The following CACNA2D1 variants were observed in gnomAD, a reference collection of about 807,000 sequenced individuals.
The protein encoded by CACNA2D1 is calcium voltage-gated channel auxiliary subunit alpha2delta 1.
In CACNA2D1, 53 loss-of-function variants were observed where a neutral mutation model predicts 171.5. That is an observed-to-expected ratio of 0.31 (90% confidence interval 0.25 to 0.39). The LOEUF (loss-of-function observed/expected upper bound fraction) is 0.39, where lower values mean the gene tolerates loss of function less well. CACNA2D1 is among the 10% of genes least tolerant of loss of function. The pLI is 1.00. For synonymous variants in CACNA2D1, 442 were observed against 443.1 expected, an observed-to-expected ratio of 1.00 and a Z score of 0.03; for missense variants, 903 against 1,299.8, an observed-to-expected ratio of 0.69 and a Z score of 4.69.
In CACNA2D1 at chr7:81,950,090, T is replaced by C. The variant is rs983927463; in HGVS notation, c.*302A>G. ...ATTAACAATTGTATGGGGAACCCTT[T>C]CACATGTAATCACCAACAATGCAAC... On this transcript the variant is annotated 3_prime_UTR_variant, in exon 39 of 39. Transcript: ENST00000356860. The C allele has an allele frequency of 3.8e-5, 14 of 371,362 alleles. No homozygotes were observed. Among genetic ancestry groups the C allele is most frequent in the African/African-American group, 2.5e-4 (12 of 48,696 alleles). The allele number at this position is 371,362 out of a possible 1,614,324, so 23.0% of individuals were successfully genotyped here. A position where few individuals can be genotyped will look rare whatever the true frequency, so the allele number is the denominator to read the frequency against.
chr7:82,288,431 A>G (rs1349599119), intron 3 of CACNA2D1, among the ~76,000 whole-genome samples: 1 of 141,644 alleles, frequency 7.1e-6, no homozygotes, highest in Non-Finnish European at 1.5e-5. Context: ...ATACACACAC[A>G]CACACACACA....
intron 8 of CACNA2D1, among the ~76,000 whole-genome samples, chr7:82,064,715 A>G (rs1807394674): frequency 6.6e-6 from 1 of 152,182 alleles, no homozygotes; most frequent in Non-Finnish European, 1.5e-5. Context: ...AGACTATCAT[A>G]TTTTTAAATG....
chr7:82,298,257 T>C (rs557558432), intron 3 of CACNA2D1, among the ~76,000 whole-genome samples: 1 of 152,252 alleles, frequency 6.6e-6, no homozygotes, highest in Non-Finnish European at 1.5e-5. Context: ...ACCCAGTTCT[T>C]TGATTTCTGA....
chr7:82,393,079 A>C (rs369968846), intron 1 of CACNA2D1, among the ~76,000 whole-genome samples: 6 of 114,152 alleles, frequency 5.3e-5, no homozygotes, highest in South Asian at 2.9e-4. Flanking sequence ...GGAAGGAAGG[A>C]AGGAAGGCAG....
chr7:82,431,122 C>A (rs898299707), intron 1 of CACNA2D1, among the ~76,000 whole-genome samples: 3 of 152,176 alleles, frequency 2.0e-5, no homozygotes, highest in African/African-American at 7.2e-5. Context: ...TTACACTCCA[C>A]CGCATCTCTT....
chr7:81,957,537 C>T (rs1793555516), intron 38 of CACNA2D1, among the ~76,000 whole-genome samples: 1 of 152,014 alleles, frequency 6.6e-6, no homozygotes, highest in Non-Finnish European at 1.5e-5. Flanking sequence ...TCGTTGTGCA[C>T]TTAAGTTGAT....
intron 7 of CACNA2D1, among the ~76,000 whole-genome samples, chr7:82,078,292 T>TA (rs945752562): frequency 4.6e-5 from 7 of 151,828 alleles, no homozygotes; most frequent in South Asian, 2.1e-4. Context: ...ACTAATTGTC[T>TA]AAAAAAAAGA....
At chr7:82,066,357 AGTT>A in intron 8 of CACNA2D1, 95 bp downstream of exon 8, 1 of 1,444,838 alleles carries the variant, frequency 6.9e-7, no homozygotes, top group Non-Finnish European at 9.5e-7. Context: ...TTCAATAAGT[AGTT>A]AATACTCATC....
At chr7:82,303,452 TAA>T (rs573316819) in intron 3 of CACNA2D1, among the ~76,000 whole-genome samples, 4 of 122,380 alleles carry the variant, frequency 3.3e-5, no homozygotes, top group Non-Finnish European at 3.5e-5. Flanking sequence ...TGTATGTAAC[TAA>T]AAAAAAAAAA....
intron 3 of CACNA2D1, among the ~76,000 whole-genome samples, chr7:82,280,998 A>T (rs1413197815): frequency 1.3e-5 from 2 of 152,192 alleles, no homozygotes; most frequent in Non-Finnish European, 2.9e-5. Context: ...CTGAAAATCC[A>T]ACTCAAATTG....
intron 24 of CACNA2D1, 117 bp from the exon 25 acceptor site, chr7:81,974,669 G>A (rs1227693056): frequency 4.8e-6 from 3 of 619,078 alleles, no homozygotes; most frequent in East Asian, 5.8e-5. Flanking sequence ...GCAAACTATT[G>A]AGCTTCTTGT....
chr7:82,153,776 C>T (rs1479362615), intron 4 of CACNA2D1, among the ~76,000 whole-genome samples: 1 of 151,780 alleles, frequency 6.6e-6, no homozygotes, highest in Non-Finnish European at 1.5e-5. Flanking sequence ...CAAATTCCTC[C>T]CTCCACCCAC....
chr7:82,373,730 T>C (rs1024373915), intron 1 of CACNA2D1, among the ~76,000 whole-genome samples: 2 of 152,204 alleles, frequency 1.3e-5, no homozygotes, highest in African/African-American at 4.8e-5. Context: ...TTAGACACTC[T>C]CCATTCTGTT....
At chr7:82,028,124 GCTGA>G (rs904115502) in intron 12 of CACNA2D1, 1 of 151,796 alleles carries the variant, frequency 6.6e-6, no homozygotes, top group African/African-American at 2.4e-5. Flanking sequence ...CAAAGGACAG[GCTGA>G]CTTTCTTCTT....
chr7:82,322,860 G>T (rs983893246), intron 3 of CACNA2D1, among the ~76,000 whole-genome samples: 1 of 152,116 alleles, frequency 6.6e-6, no homozygotes, highest in Non-Finnish European at 1.5e-5. Context: ...CTCACAACGG[G>T]CTTCTACCTT....
In CACNA2D1 at chr7:81,950,214, A is replaced by G. The variant is rs1584120482; in HGVS notation, c.*178T>C. On this transcript the variant is annotated 3_prime_UTR_variant, in exon 39 of 39. Coordinates refer to ENST00000356860, the MANE Select transcript of CACNA2D1 (RefSeq NM_000722.4). ...ATTCACACACGTTTAAGGATCTGAC[A>G]CCCTGACATGCAGCCAGTGGGTGCC... 9.4e-7 allele frequency: 1 copy of G among 1,059,296 alleles called. No individual in the cohort carries two copies. The highest frequency in any genetic ancestry group is 1.4e-6 in the Non-Finnish European group (1 of 729,564). The allele number at this position is 1,059,296 out of a possible 1,614,324, so 65.6% of individuals were successfully genotyped here. A position where few individuals can be genotyped will look rare whatever the true frequency, so the allele number is the denominator to read the frequency against.
At chr7:82,175,423 C>T (rs1796458568) in intron 3 of CACNA2D1, among the ~76,000 whole-genome samples, 1 of 152,000 alleles carries the variant, frequency 6.6e-6, no homozygotes, top group South Asian at 2.1e-4. Flanking sequence ...ACAGTTAACA[C>T]CCAATAAAGA....
At chr7:82,142,293 G>A (rs1347468636) in intron 4 of CACNA2D1, among the ~76,000 whole-genome samples, 1 of 152,188 alleles carries the variant, frequency 6.6e-6, no homozygotes, top group East Asian at 1.9e-4. Flanking sequence ...GCTGCTTACT[G>A]AAATTTCAAA....
intron 6 of CACNA2D1, among the ~76,000 whole-genome samples, chr7:82,110,826 C>G (rs747280953): frequency 6.6e-6 from 1 of 152,174 alleles, no homozygotes; most frequent in Non-Finnish European, 1.5e-5. Context: ...AAATTTCACT[C>G]TTCTCTCTTA....
Sources: allele counts gnomAD v4.1 joint callset (sites outside exome capture counted in the v4.1 genomes callset), GRCh38; gene constraint gnomAD v4.1.1; transcripts MANE v1.5; gene names NCBI Gene and HGNC (gene_info 2026-07-23, HGNC 2026-07-21).